CNTNAP5: variants seen among roughly 807,000 people sequenced by gnomAD.
The protein encoded by CNTNAP5 is contactin associated protein family member 5.
CNTNAP5 carries 72 observed loss-of-function variants against 150.2 expected under a neutral mutation model. That is an observed-to-expected ratio of 0.48 (90% CI 0.40 to 0.58). The LOEUF (loss-of-function observed/expected upper bound fraction) is 0.58, where lower values mean the gene tolerates loss of function less well. Ranked by LOEUF, CNTNAP5 falls within the 20% of genes least tolerant of loss-of-function variation. The pLI, the probability that CNTNAP5 is intolerant of heterozygous loss-of-function variation, is 0.00. For synonymous variants in CNTNAP5, 672 were observed against 619.8 expected (o/e 1.08, Z -1.25); for missense variants, 1,636 against 1,626.2 (o/e 1.01, Z -0.10).
intron 20 of CNTNAP5, among the ~76,000 whole-genome samples, chr2:124,866,409 C>T (rs1032612680): frequency 1.3e-5 from 2 of 152,196 alleles, no homozygotes; most frequent in African/African-American, 2.4e-5. Flanking sequence ...GTGAGGAAGA[C>T]GCATGGGCAA....
At chr2:124,598,120 G>A (rs1228535356) in intron 11 of CNTNAP5, among the ~76,000 whole-genome samples, 24 of 122,200 alleles carry the variant, frequency 2.0e-4, no homozygotes, top group Middle Eastern at 4.0e-3. Context: ...TAATTTGATC[G>A]TCTGAAGCCT....
intron 7 of CNTNAP5, among the ~76,000 whole-genome samples, chr2:124,489,603 G>A (rs75757858): frequency 0.037 from 5,652 of 152,230 alleles, 131 homozygotes; most frequent in Non-Finnish European, 0.043. Context: ...AAGAGCTTGT[G>A]TGAGCAGTCT....
chr2:124,567,873 A>ATAGATAGAT (rs1491562466), intron 11 of CNTNAP5, among the ~76,000 whole-genome samples: 1 of 149,984 alleles, frequency 6.7e-6, no homozygotes, highest in Non-Finnish European at 1.5e-5. Context: ...AGATAGATAG[A>ATAGATAGAT]TAGATAGATA....
chr2:124,804,880 C>T (rs1682048681), intron 19 of CNTNAP5, among the ~76,000 whole-genome samples: 1 of 151,622 alleles, frequency 6.6e-6, no homozygotes, highest in Admixed American at 6.6e-5. Flanking sequence ...AACTATAAAA[C>T]ACACTTTATT....
chr2:124,439,236 T>G (rs1007281206), intron 5 of CNTNAP5, among the ~76,000 whole-genome samples: 1 of 152,074 alleles, frequency 6.6e-6, no homozygotes, highest in Non-Finnish European at 1.5e-5. Context: ...TGGGATAAAA[T>G]GCATCACATT....
At chr2:124,068,900 G>A (rs935155617) in intron 1 of CNTNAP5, among the ~76,000 whole-genome samples, 3 of 151,958 alleles carry the variant, frequency 2.0e-5, no homozygotes, top group Admixed American at 2.0e-4. Context: ...ATCACCTGCT[G>A]ATTAAAGAAC....
chr2:124,789,219 T>G (rs1348141682), intron 17 of CNTNAP5, among the ~76,000 whole-genome samples: 1 of 152,210 alleles, frequency 6.6e-6, no homozygotes, highest in Non-Finnish European at 1.5e-5. Context: ...TGCCTTCCAC[T>G]TCAGATGAAA....
chr2:124,474,986 T>A, intron 7 of CNTNAP5, 104 bp downstream of exon 7: 2 of 923,574 alleles, frequency 2.2e-6, no homozygotes, highest in East Asian at 5.9e-5. Flanking sequence ...GTTTATCTTA[T>A]GCTCTGAGTT....
intron 11 of CNTNAP5, 32 bp from the exon 12 acceptor site, chr2:124,609,769 A>C: frequency 6.2e-7 from 1 of 1,608,870 alleles, no homozygotes; most frequent in Non-Finnish European, 8.5e-7. Context: ...GAGCCAAGCA[A>C]AGTTTTATCT....
intron 3 of CNTNAP5, among the ~76,000 whole-genome samples, chr2:124,416,359 C>CT (rs35184768): frequency 0.51 from 73,816 of 145,816 alleles, 19,186 homozygotes; most frequent in African/African-American, 0.67. Flanking sequence ...TGGATTTCCT[C>CT]TTTTTTTTTT....
intron 19 of CNTNAP5, among the ~76,000 whole-genome samples, chr2:124,847,423 T>TC (rs1414934344): frequency 1.3e-5 from 2 of 152,142 alleles, no homozygotes; most frequent in East Asian, 3.9e-4. Context: ...CTCACCCCAC[T>TC]CCCATGTAGT....
chr2:124,519,627 C>T (rs1477787996), intron 8 of CNTNAP5, among the ~76,000 whole-genome samples: 1 of 152,184 alleles, frequency 6.6e-6, no homozygotes, highest in East Asian at 1.9e-4. Context: ...AACTTGACCT[C>T]CAGGACTATT....
At chr2:124,768,982 G>A (rs1461529638) in intron 16 of CNTNAP5, among the ~76,000 whole-genome samples, 2 of 152,102 alleles carry the variant, frequency 1.3e-5, no homozygotes, top group Admixed American at 6.6e-5. Flanking sequence ...ACATGGACAC[G>A]TAGAAGGCCA....
chr2:124,885,457 A>G (rs917607996), intron 21 of CNTNAP5, among the ~76,000 whole-genome samples: 1 of 151,940 alleles, frequency 6.6e-6, no homozygotes, highest in African/African-American at 2.4e-5. Context: ...CGCACATAAA[A>G]TTAACCATTT....
At chr2:124,371,825 C>T (rs1690535600) in intron 3 of CNTNAP5, among the ~76,000 whole-genome samples, 1 of 152,040 alleles carries the variant, frequency 6.6e-6, no homozygotes, top group African/African-American at 2.4e-5. Flanking sequence ...ATGGATCCAA[C>T]AATACAGAGA....
chr2:124,539,782 C>T (rs1452541500), intron 10 of CNTNAP5, among the ~76,000 whole-genome samples: 2 of 152,152 alleles, frequency 1.3e-5, no homozygotes, highest in Non-Finnish European at 1.5e-5. Context: ...AGGCAGAAAA[C>T]GATGACATTT....
intron 21 of CNTNAP5, among the ~76,000 whole-genome samples, chr2:124,874,429 T>C (rs763089102): frequency 1.3e-5 from 2 of 152,226 alleles, no homozygotes; most frequent in East Asian, 3.9e-4. Flanking sequence ...TCTGTTTAAC[T>C]TGGCCCTGTC....
intron 1 of CNTNAP5, among the ~76,000 whole-genome samples, chr2:124,212,861 T>C (rs1686053392): frequency 8.6e-6 from 1 of 116,034 alleles, no homozygotes; most frequent in South Asian, 2.7e-4. Flanking sequence ...TTTTTTGAGA[T>C]GGAGTCTTGC....
At chr2:124,447,045 C>A in intron 6 of CNTNAP5, 108 bp downstream of exon 6, 1 of 1,058,858 alleles carries the variant, frequency 9.4e-7, no homozygotes, top group Non-Finnish European at 1.4e-6. Context: ...ACTGAGGAGT[C>A]TTACCCTGGG....
Sources: allele counts gnomAD v4.1 joint callset (sites outside exome capture counted in the v4.1 genomes callset), GRCh38; gene constraint gnomAD v4.1.1; transcripts MANE v1.5; gene names NCBI Gene and HGNC (gene_info 2026-07-23, HGNC 2026-07-21).